The following GRIP1 variants were observed in gnomAD, a reference collection of about 807,000 sequenced individuals.
GRIP1 encodes glutamate receptor-interacting protein 1.
In GRIP1, 45 loss-of-function variants were observed where a neutral mutation model predicts 129.9. The observed-to-expected ratio is 0.35, with a 90% CI of 0.27 to 0.44. The LOEUF (loss-of-function observed/expected upper bound fraction) is 0.44. GRIP1 is among the 20% of genes least tolerant of loss of function. The pLI is 1.00. For missense variants in GRIP1, 1,196 were observed against 1,396.8 expected (o/e 0.86, Z 2.29); for synonymous variants, 530 against 520.8 (o/e 1.02, Z -0.24).
At chr12:66,373,079 T>C (rs530544476) in intron 22 of GRIP1, among the ~76,000 whole-genome samples, 1 of 152,160 alleles carries the variant, frequency 6.6e-6, no homozygotes, top group South Asian at 2.1e-4. Context: ...TCTCTCAATT[T>C]ATTTATTTAT....
intron 1 of GRIP1, among the ~76,000 whole-genome samples, chr12:66,862,419 A>G (rs2040128315): frequency 6.6e-6 from 1 of 152,150 alleles, no homozygotes; most frequent in African/African-American, 2.4e-5. Flanking sequence ...GGCCAGTTTC[A>G]TAATTAATTT....
intron 1 of GRIP1, among the ~76,000 whole-genome samples, chr12:66,895,484 T>C (rs967561512): frequency 6.6e-6 from 1 of 152,200 alleles, no homozygotes; most frequent in Non-Finnish European, 1.5e-5. Context: ...CAGGTATCTC[T>C]TGTAGCAGTG....
At chr12:66,665,743 AGTC>A (rs961726629) in intron 1 of GRIP1, among the ~76,000 whole-genome samples, 7 of 152,134 alleles carry the variant, frequency 4.6e-5, no homozygotes, top group African/African-American at 1.4e-4. Flanking sequence ...TTCTTGTACA[AGTC>A]TTTTGAGTCA....
chr12:66,997,703 C>A (rs79916902), intron 1 of GRIP1, among the ~76,000 whole-genome samples: 3 of 151,974 alleles, frequency 2.0e-5, no homozygotes, highest in Non-Finnish European at 4.4e-5. Flanking sequence ...TTGGTCAAGA[C>A]GGAAAAAGGA....
rs1169331519 is a variant in GRIP1, at chr12:66,451,383, G to GTTTTTTTTTTTT, written c.1354+4014_1354+4025dup. 1.9e-3 allele frequency among the ~76,000 whole-genome samples: 80 copies of GTTTTTTTTTTTT among 42,646 alleles called. 24 individuals carry two copies. The highest frequency in any genetic ancestry group is 3.2e-3 in the Admixed American group (10 of 3,148). The allele number at this position is 42,646 out of a possible 152,430, so 28.0% of individuals were successfully genotyped here. Reference sequence around the variant, plus strand: ...CCCCAAAGATTTATTATTATAATCTGTTTTTTTTTTTTTTTTTTTTTTTTT... The same window carrying GTTTTTTTTTTTT: ...CCCCAAAGATTTATTATTATAATCTGTTTTTTTTTTTTTTTTTTTTTTTTTTTTTTTTTTTTT... On this transcript the variant is annotated intron_variant, in intron 11 of 24. Coordinates refer to ENST00000359742, the MANE Select transcript of GRIP1 (RefSeq NM_001366722.1).
rs548690953 is a variant in GRIP1, at chr12:66,544,314, G to A, written c.137-2364C>T. Among the ~76,000 whole-genome samples the A allele has an allele frequency of 2.6e-5, 4 of 152,170 alleles. No homozygotes were observed. In the South Asian group the frequency reaches 6.2e-4, roughly 24 times the overall value. On this transcript the variant is annotated intron_variant, in intron 2 of 24. Coordinates refer to ENST00000359742, the MANE Select transcript of GRIP1 (RefSeq NM_001366722.1). ...TTTGTGCATTCATTGATTCAAGCAC[G>A]TATTGAATGCCTACTCTGAGCCAGA...
At chr12:66,528,326 A>G (rs185245539) in intron 5 of GRIP1, among the ~76,000 whole-genome samples, 1 of 151,996 alleles carries the variant, frequency 6.6e-6, no homozygotes, top group East Asian at 1.9e-4. Context: ...TTCAGTAGAG[A>G]TGGGGTTTCA....
At chr12:66,911,264 C>T (rs1050768107) in intron 1 of GRIP1, among the ~76,000 whole-genome samples, 49 of 152,260 alleles carry the variant, frequency 3.2e-4, no homozygotes, top group African/African-American at 1.2e-3. Flanking sequence ...GGAAATTCTA[C>T]AAAATGGTTG....
chr12:66,798,371 T>C (rs1168188083), intron 1 of GRIP1, among the ~76,000 whole-genome samples: 2 of 152,170 alleles, frequency 1.3e-5, no homozygotes, highest in Admixed American at 6.6e-5. Flanking sequence ...TTAAATTCAA[T>C]AGAGTCTATG....
intron 1 of GRIP1, among the ~76,000 whole-genome samples, chr12:67,000,829 A>G (rs1017666142): frequency 1.3e-5 from 2 of 152,230 alleles, no homozygotes; most frequent in Non-Finnish European, 2.9e-5. Context: ...TTTAGCAAAT[A>G]CAAAAAAAGT....
chr12:66,948,320 CCTT>C (rs1339375880), intron 1 of GRIP1, among the ~76,000 whole-genome samples: 1 of 152,168 alleles, frequency 6.6e-6, no homozygotes, highest in South Asian at 2.1e-4. Context: ...TCCATTTGTT[CCTT>C]CTTCTGTTCA....
chr12:66,475,141 A>C (rs1443302470), intron 7 of GRIP1, among the ~76,000 whole-genome samples: 2 of 152,200 alleles, frequency 1.3e-5, no homozygotes, highest in African/African-American at 4.8e-5. Context: ...AAGATCTACC[A>C]AGCAAATGGA....
Position 66,696,485 on chromosome 12 carries a change from T to C in GRIP1, c.-419-66149A>G, listed in dbSNP as rs548879685. ...AACATACTCAGCATGAAAAAGAAAT[T>C]TTAAAAAGAATTATGGTTAGGCCAG... On this transcript the variant is annotated intron_variant, in intron 1 of 4. Transcript: ENST00000538373. Among the ~76,000 whole-genome samples, 67 of 151,840 alleles carry C rather than the reference T, an allele frequency of 4.4e-4. 2 individuals carry two copies. In the South Asian group the frequency reaches 0.014, roughly 31 times the overall value.
chr12:66,904,115 C>A (rs1031825287), intron 1 of GRIP1, among the ~76,000 whole-genome samples: 1 of 152,182 alleles, frequency 6.6e-6, no homozygotes, highest in African/African-American at 2.4e-5. Flanking sequence ...ATAGCAGGTT[C>A]ATACCCTTTA....
At chr12:66,509,296 G>A (rs2060625210) in intron 7 of GRIP1, among the ~76,000 whole-genome samples, 3 of 152,098 alleles carry the variant, frequency 2.0e-5, no homozygotes, top group Admixed American at 2.0e-4. Flanking sequence ...TAACAGTTTG[G>A]TTAAGGCGAG....
chr12:66,469,471 T>C (rs533178704), intron 7 of GRIP1, among the ~76,000 whole-genome samples: 1 of 152,350 alleles, frequency 6.6e-6, no homozygotes, highest in Non-Finnish European at 1.5e-5. Context: ...GACCTTCAAA[T>C]ATTTGTATGA....
At chr12:66,995,969 T>C (rs976342859) in intron 1 of GRIP1, among the ~76,000 whole-genome samples, 5 of 152,146 alleles carry the variant, frequency 3.3e-5, no homozygotes, top group Admixed American at 6.5e-5. Flanking sequence ...TAAAATGTGG[T>C]ATATACATAC....
chr12:66,406,200 T>A, intron 16 of GRIP1, 83 bp downstream of exon 16: 1 of 1,334,938 alleles, frequency 7.5e-7, no homozygotes, highest in African/African-American at 1.4e-5. Flanking sequence ...CCAGCTGTTG[T>A]ATGTAAAACA....
intron 1 of GRIP1, among the ~76,000 whole-genome samples, chr12:66,614,945 A>G (rs1426969558): frequency 6.6e-6 from 1 of 152,098 alleles, no homozygotes; most frequent in Non-Finnish European, 1.5e-5. Context: ...CTTAAATGTT[A>G]TCTCTTAACC....
Sources: allele counts gnomAD v4.1 joint callset (sites outside exome capture counted in the v4.1 genomes callset), GRCh38; gene constraint gnomAD v4.1.1; transcripts MANE v1.5; gene names NCBI Gene and HGNC (gene_info 2026-07-23, HGNC 2026-07-21).